Variants in PDZRN4 observed in about 807,000 individuals in gnomAD.
PDZRN4 encodes PDZ domain containing ring finger 4.
A neutral mutation model predicts 99.0 loss-of-function variants in PDZRN4; 70 were observed. The observed-to-expected ratio is 0.71, with a 90% CI of 0.58 to 0.86. PDZRN4 has a LOEUF of 0.86. PDZRN4 is among the 40% of genes least tolerant of loss of function. PDZRN4 has a pLI of 0.00. For missense variants in PDZRN4, 1,474 were observed against 1,331.2 expected (o/e 1.11, Z -1.67); for synonymous variants, 551 against 501.6 (o/e 1.10, Z -1.32).
In PDZRN4 at chr12:41,279,825, A is replaced by G. The variant is rs187992554; in HGVS notation, c.843+85637A>G. 9.6e-4 allele frequency among the ~76,000 whole-genome samples: 147 copies of G among 152,346 alleles called. 1 individual carries two copies. Among genetic ancestry groups the G allele is most frequent in the African/African-American group, 3.4e-3 (143 of 41,588 alleles). ...TAATGATTAATAAAAGCCCACCTGC[A>G]AGGCATATAAGAAGATTTTTAAAAC... On this transcript the variant is annotated intron_variant, in intron 3 of 9. Coordinates refer to ENST00000402685, the MANE Select transcript of PDZRN4 (RefSeq NM_001164595.2).
intron 3 of PDZRN4, among the ~76,000 whole-genome samples, chr12:41,408,745 C>G (rs1273988667): frequency 6.6e-6 from 1 of 150,948 alleles, no homozygotes; most frequent in Non-Finnish European, 1.5e-5. Context: ...CTTCCTTTCT[C>G]CTTCCTAAAC....
At chr12:41,258,047 A>T (rs2120824151) in intron 3 of PDZRN4, among the ~76,000 whole-genome samples, 1 of 152,296 alleles carries the variant, frequency 6.6e-6, no homozygotes, top group Middle Eastern at 3.4e-3. Context: ...GGGCATGGTC[A>T]CATAGCAAGT....
chr12:41,467,365 T>C (rs1228060053), intron 3 of PDZRN4, among the ~76,000 whole-genome samples: 2 of 152,194 alleles, frequency 1.3e-5, no homozygotes, highest in African/African-American at 4.8e-5. Flanking sequence ...TCCATCGTCA[T>C]TGAAATTAAT....
chr12:41,214,451 G>A (rs1374397953), intron 3 of PDZRN4, among the ~76,000 whole-genome samples: 753 of 49,256 alleles, frequency 0.015, 1 homozygote, highest in Middle Eastern at 0.037. Flanking sequence ...AAAAAAAAAA[G>A]TTATCTATTT....
At chr12:41,382,380 C>T (rs1159800301) in intron 3 of PDZRN4, among the ~76,000 whole-genome samples, 2 of 152,220 alleles carry the variant, frequency 1.3e-5, no homozygotes, top group Non-Finnish European at 2.9e-5. Context: ...TGTCCACTGG[C>T]TGACCAAGGT....
intron 3 of PDZRN4, among the ~76,000 whole-genome samples, chr12:41,340,609 AATG>A (rs1193355436): frequency 2.0e-5 from 3 of 151,960 alleles, no homozygotes; most frequent in Non-Finnish European, 4.4e-5. Flanking sequence ...AACACAAAGA[AATG>A]ATAAGTGCTT....
At chr12:41,243,205 G>T (rs1301865115) in intron 3 of PDZRN4, among the ~76,000 whole-genome samples, 1 of 152,176 alleles carries the variant, frequency 6.6e-6, no homozygotes, top group Non-Finnish European at 1.5e-5. Flanking sequence ...TGCATATGGA[G>T]TGAAAAGCAT....
At chr12:41,386,216 G>T (rs1233423932) in intron 3 of PDZRN4, among the ~76,000 whole-genome samples, 1 of 152,126 alleles carries the variant, frequency 6.6e-6, no homozygotes, top group East Asian at 1.9e-4. Context: ...CATACTGAAT[G>T]GGCAAAAGCA....
At chr12:41,414,590 A>C (rs73276107) in intron 3 of PDZRN4, among the ~76,000 whole-genome samples, 1 of 152,102 alleles carries the variant, frequency 6.6e-6, no homozygotes, top group Non-Finnish European at 1.5e-5. Flanking sequence ...GAAGGAAAAC[A>C]AAGACGGATG....
At chr12:41,525,433 T>C (rs1938552263) in intron 5 of PDZRN4, among the ~76,000 whole-genome samples, 2 of 152,164 alleles carry the variant, frequency 1.3e-5, no homozygotes, top group Admixed American at 1.3e-4. Context: ...CTTCATAGGA[T>C]TATATGAGAT....
chr12:41,490,543 TATTA>T (rs1168346319), intron 3 of PDZRN4, among the ~76,000 whole-genome samples: 1 of 152,114 alleles, frequency 6.6e-6, no homozygotes, highest in Non-Finnish European at 1.5e-5. Flanking sequence ...CTATCTCACA[TATTA>T]ATTACTCTTT....
chr12:41,206,759 C>G (rs1263218225), intron 3 of PDZRN4, among the ~76,000 whole-genome samples: 1 of 151,746 alleles, frequency 6.6e-6, no homozygotes, highest in Non-Finnish European at 1.5e-5. Context: ...ATAAAAGTTT[C>G]CTAAGTTTCT....
At chr12:41,536,078 C>T (rs1018198668) in intron 5 of PDZRN4, among the ~76,000 whole-genome samples, 2 of 152,302 alleles carry the variant, frequency 1.3e-5, no homozygotes, top group South Asian at 4.1e-4. Context: ...TCCTGTCCTT[C>T]ATGCCCTATG....
intron 3 of PDZRN4, among the ~76,000 whole-genome samples, chr12:41,227,558 G>A (rs930284740): frequency 3.9e-5 from 6 of 152,028 alleles, no homozygotes; most frequent in African/African-American, 1.4e-4. Context: ...CCAGCTACTT[G>A]GATGGCTGAG....
intron 3 of PDZRN4, among the ~76,000 whole-genome samples, chr12:41,197,000 A>C (rs1256158329): frequency 3.3e-5 from 5 of 152,078 alleles, no homozygotes; most frequent in African/African-American, 1.2e-4. Flanking sequence ...CGTATGACTT[A>C]TGCACAATCT....
chr12:41,251,615 T>G (rs1951170664), intron 3 of PDZRN4, among the ~76,000 whole-genome samples: 1 of 152,194 alleles, frequency 6.6e-6, no homozygotes, highest in East Asian at 1.9e-4. Context: ...GCAAATAAAT[T>G]TGAAATTCAT....
chr12:41,309,849 A>C (rs1456288612), intron 3 of PDZRN4, among the ~76,000 whole-genome samples: 1 of 152,176 alleles, frequency 6.6e-6, no homozygotes, highest in Admixed American at 6.6e-5. Context: ...ACAAAAATGA[A>C]CAGAATATAT....
Position 41,567,874 on chromosome 12 carries a change from A to G in PDZRN4, c.1559A>G (p.Gln520Arg). Residue 520 changes from glutamine to arginine, a missense_variant, in exon 9 of 10, where the codon CAG (glutamine) becomes CGG (arginine). Transcript: ENST00000402685. Reference protein sequence around the residue: ...MLEEEHNEAMQPTANEVEQPK... With the variant: ...MLEEEHNEAMRPTANEVEQPK... The stretch of plus-strand genomic sequence containing the variant: ...GAAGAAGAGCATAATGAAGCAATGC[A>G]GCCCACTGCCAATGAGGTGGAGCAG... 1 of 1,611,094 alleles carries G rather than the reference A, an allele frequency of 6.2e-7. No individual in the cohort carries two copies. Among genetic ancestry groups the G allele is most frequent in the South Asian group, 1.1e-5 (1 of 90,882 alleles).
chr12:41,376,796 A>G (rs1385726302), intron 3 of PDZRN4, among the ~76,000 whole-genome samples: 3 of 152,136 alleles, frequency 2.0e-5, no homozygotes, highest in African/African-American at 7.2e-5. Flanking sequence ...CCAAAAAGTC[A>G]TTGCCAAGAC....
Sources: allele counts gnomAD v4.1 joint callset (sites outside exome capture counted in the v4.1 genomes callset), GRCh38; gene constraint gnomAD v4.1.1; transcripts MANE v1.5; gene names NCBI Gene and HGNC (gene_info 2026-07-23, HGNC 2026-07-21).